Variants in FMN2 observed in about 807,000 individuals in gnomAD.
FMN2 encodes formin 2, also known as formin-2.
A neutral mutation model predicts 142.3 loss-of-function variants in FMN2; 51 were observed. That is an observed-to-expected ratio of 0.36 (90% CI 0.29 to 0.45). The LOEUF is 0.45. Among genes scored for constraint, FMN2 ranks in the 20% least tolerant of loss-of-function variants. The pLI is 1.00. For missense variants in FMN2, 1,936 were observed against 2,122.8 expected, an observed-to-expected ratio of 0.91 and a Z score of 1.73; for synonymous variants, 882 against 869.8, an observed-to-expected ratio of 1.01 and a Z score of -0.25.
At position 240,471,937 on chromosome 1, in the gene FMN2, G is replaced by A. The variant is rs549225400; in HGVS notation, c.5061-435G>A. On this transcript the variant is annotated intron_variant, in intron 16 of 17. Coordinates refer to ENST00000319653, the MANE Select transcript of FMN2 (RefSeq NM_020066.5). ...TGGGATTGCAGGCATGAGCTACTCC[G>A]CCCTGGCTGTGATACTCTTTAATTA... 2.6e-4 allele frequency: 40 copies of A among 156,084 alleles called. No individual in the cohort carries two copies. The South Asian group carries it at 6.8e-3, about 27-fold the overall frequency. 9.7% of individuals were successfully genotyped at this position (156,084 alleles called of 1,614,324 possible).
chr1:240,148,375 G>GAGAGAA (rs1663597906), intron 2 of FMN2, among the ~76,000 whole-genome samples: 1 of 145,146 alleles, frequency 6.9e-6, no homozygotes, highest in African/African-American at 2.8e-5. Flanking sequence ...GACAGAGAGA[G>GAGAGAA]AGAGAGAAAG....
Position 240,123,851 on chromosome 1 carries a change from A to G in FMN2, c.1782+506A>G, listed in dbSNP as rs1299214755. Among the ~76,000 whole-genome samples the G allele has an allele frequency of 1.1e-4, 17 of 152,324 alleles. No individual in the cohort carries two copies. The South Asian group carries it at 3.5e-3, about 32-fold the overall frequency. Reference sequence around the variant, plus strand: ...CCTCCTCTTTCCCCAAGCCCCTGGCAACAACCATTCTCTTTCTGTCTCTAT... The same window carrying G: ...CCTCCTCTTTCCCCAAGCCCCTGGCGACAACCATTCTCTTTCTGTCTCTAT... On this transcript the variant is annotated intron_variant, in intron 2 of 17. Transcript: ENST00000319653.
At chr1:240,469,113 G>A (rs573531532) in intron 16 of FMN2, among the ~76,000 whole-genome samples, 46 of 152,148 alleles carry the variant, frequency 3.0e-4, no homozygotes, top group African/African-American at 9.6e-4. Context: ...AGGAAGTGTC[G>A]TTGTTTTGGG....
At chr1:240,403,455 A>G (rs138667581) in intron 15 of FMN2, among the ~76,000 whole-genome samples, 4,424 of 152,192 alleles carry the variant, frequency 0.029, 224 homozygotes, top group African/African-American at 0.1. Flanking sequence ...ACAACATGGC[A>G]AAACCTCATC....
At chr1:240,278,338 A>G (rs1163007487) in intron 7 of FMN2, among the ~76,000 whole-genome samples, 1 of 152,184 alleles carries the variant, frequency 6.6e-6, no homozygotes, top group African/African-American at 2.4e-5. Context: ...CTCTTCTAGC[A>G]TCTGTGATAC....
chr1:240,322,158 A>G (rs1011712995), intron 8 of FMN2, among the ~76,000 whole-genome samples: 3 of 151,248 alleles, frequency 2.0e-5, no homozygotes, highest in African/African-American at 4.9e-5. Context: ...TATGATTTTT[A>G]CTGAAAGTCT....
chr1:240,178,936 A>G (rs1665040008), intron 3 of FMN2, among the ~76,000 whole-genome samples: 1 of 152,120 alleles, frequency 6.6e-6, no homozygotes. Flanking sequence ...ATTGGCTCAT[A>G]GAGAGGAAGA....
chr1:240,198,180 C>T (rs1038062454), intron 4 of FMN2, among the ~76,000 whole-genome samples: 1 of 152,074 alleles, frequency 6.6e-6, no homozygotes. Flanking sequence ...AAGTATGGTC[C>T]AGTACCTCCT....
chr1:240,278,042 A>T (rs1195321953), intron 7 of FMN2, among the ~76,000 whole-genome samples: 1 of 152,160 alleles, frequency 6.6e-6, no homozygotes, highest in Non-Finnish European at 1.5e-5. Flanking sequence ...CACTTTTGAG[A>T]TGAATTATTT....
intron 14 of FMN2, among the ~76,000 whole-genome samples, chr1:240,367,957 G>C (rs1420386888): frequency 6.6e-6 from 1 of 152,038 alleles, no homozygotes; most frequent in African/African-American, 2.4e-5. Context: ...GGATAATGCT[G>C]TTTTAGTTGT....
rs1209440590 is a variant in FMN2, at chr1:240,123,306, G to A, written c.1743G>A (p.Pro581=). 2.5e-6 allele frequency: 4 copies of A among 1,613,938 alleles called. No individual in the cohort carries two copies. The highest frequency in any genetic ancestry group is 2.7e-5 in the African/African-American group (2 of 74,908). ...CTTTTAGTGATTGCTTCAGGGAACC[G>A]TGTAATCAGAATGCCCAGACGAATG... ...LLPFSDCFRE[P]CNQNAQTNAA... Residue 581 remains proline, a synonymous_variant, in exon 2 of 18, where the codon CCG becomes CCA. Coordinates refer to ENST00000319653, the MANE Select transcript of FMN2 (RefSeq NM_020066.5).
chr1:240,095,095 C>CA (rs1661151426), intron 1 of FMN2, among the ~76,000 whole-genome samples: 1 of 151,486 alleles, frequency 6.6e-6, no homozygotes, highest in Non-Finnish European at 1.5e-5. Flanking sequence ...AAAACAAAAA[C>CA]AAAATGCAAA....
intron 2 of FMN2, among the ~76,000 whole-genome samples, chr1:240,129,320 G>A (rs371234238): frequency 3.5e-4 from 53 of 152,178 alleles, no homozygotes; most frequent in African/African-American, 1.2e-3. Context: ...ATTTTTTGCT[G>A]TATATTTATT....
At chr1:240,246,799 AG>A (rs1180095574) in intron 6 of FMN2, among the ~76,000 whole-genome samples, 5 of 152,232 alleles carry the variant, frequency 3.3e-5, no homozygotes, top group Non-Finnish European at 7.3e-5. Flanking sequence ...AATTATTAAG[AG>A]ACGTGACATT....
chr1:240,111,949 TAAGG>T (rs1661824167), intron 1 of FMN2, among the ~76,000 whole-genome samples: 1 of 152,076 alleles, frequency 6.6e-6, no homozygotes, highest in Non-Finnish European at 1.5e-5. Context: ...AGGCAGAAAA[TAAGG>T]AACACTTTCC....
At chr1:240,387,493 A>G (rs1485573500) in intron 14 of FMN2, among the ~76,000 whole-genome samples, 1 of 152,218 alleles carries the variant, frequency 6.6e-6, no homozygotes, top group African/African-American at 2.4e-5. Context: ...GGGACTAAGG[A>G]GCTATTAGCC....
chr1:240,214,982 T>C (rs1004319003), intron 6 of FMN2, among the ~76,000 whole-genome samples: 3 of 151,844 alleles, frequency 2.0e-5, no homozygotes, highest in Admixed American at 6.6e-5. Flanking sequence ...GGGAAGATCA[T>C]CTGAGCCCAG....
intron 13 of FMN2, among the ~76,000 whole-genome samples, chr1:240,343,793 A>G (rs78189243): frequency 2.2e-3 from 333 of 152,340 alleles, no homozygotes; most frequent in African/African-American, 7.8e-3. Flanking sequence ...GTAGAAAGCA[A>G]TAAAGACATA....
intron 13 of FMN2, among the ~76,000 whole-genome samples, chr1:240,339,280 CAGAG>C (rs1289548797): frequency 2.0e-5 from 3 of 152,036 alleles, no homozygotes; most frequent in South Asian, 2.1e-4. Context: ...TGTTTTGAGA[CAGAG>C]AGACCATATT....
Sources: gnomAD v4.1 joint callset for allele counts (sites outside exome capture counted in the v4.1 genomes callset) on GRCh38, gnomAD v4.1.1 for gene constraint, MANE v1.5 for transcripts, NCBI Gene and HGNC (gene_info 2026-07-23, HGNC 2026-07-21) for gene names.